The following PTPRD variants were observed in gnomAD, a reference collection of about 807,000 sequenced individuals.
PTPRD encodes protein tyrosine phosphatase receptor type D.
Under a neutral mutation model 214.5 loss-of-function variants are expected in PTPRD, and 34 were observed. The observed-to-expected ratio is 0.16, with a 90% CI of 0.12 to 0.21. The LOEUF (loss-of-function observed/expected upper bound fraction) is 0.21, where lower values mean the gene tolerates loss of function less well. PTPRD is among the 10% of genes least tolerant of loss of function. PTPRD has a pLI of 1.00. For missense variants in PTPRD, 2,545 were observed against 2,398.7 expected, an observed-to-expected ratio of 1.06 and a Z score of -1.27; for synonymous variants, 1,128 against 845.7, an observed-to-expected ratio of 1.33 and a Z score of -5.79.
At chr9:8,418,699 C>T (rs1459703215) in intron 35 of PTPRD, among the ~76,000 whole-genome samples, 1 of 151,862 alleles carries the variant, frequency 6.6e-6, no homozygotes, top group East Asian at 2.0e-4. Context: ...CTGAGGATAA[C>T]AGACTGATGC....
At chr9:10,454,706 T>C (rs2098891922) in intron 2 of PTPRD, among the ~76,000 whole-genome samples, 1 of 151,760 alleles carries the variant, frequency 6.6e-6, no homozygotes, top group Admixed American at 6.6e-5. Flanking sequence ...TAATCCAGGA[T>C]TTGCATTAAT....
At chr9:10,110,025 C>G (rs997234265) in intron 3 of PTPRD, among the ~76,000 whole-genome samples, 2 of 151,380 alleles carry the variant, frequency 1.3e-5, no homozygotes, top group Admixed American at 1.3e-4. Flanking sequence ...GTCAACATAT[C>G]TGATGCATTG....
At chr9:9,426,850 CT>C (rs2081153999) in intron 8 of PTPRD, among the ~76,000 whole-genome samples, 1 of 152,186 alleles carries the variant, frequency 6.6e-6, no homozygotes. Context: ...AGGGTCCTGA[CT>C]GTTAGAAGGA....
chr9:9,442,508 T>G (rs1467717888), intron 8 of PTPRD: 6 of 152,200 alleles, frequency 3.9e-5, no homozygotes, highest in Non-Finnish European at 7.3e-5. Flanking sequence ...AAACAGATAC[T>G]GTAATTTAGA....
chr9:8,511,250 T>C (rs1487483955), intron 21 of PTPRD, among the ~76,000 whole-genome samples: 1 of 152,052 alleles, frequency 6.6e-6, no homozygotes, highest in Non-Finnish European at 1.5e-5. Flanking sequence ...TTAATGTTTT[T>C]TGTACAGACA....
At chr9:9,778,261 G>T (rs1054041615) in intron 5 of PTPRD, among the ~76,000 whole-genome samples, 1 of 152,108 alleles carries the variant, frequency 6.6e-6, no homozygotes, top group South Asian at 2.1e-4. Flanking sequence ...TCCTGGGAGA[G>T]GGGTGAGTGC....
At chr9:9,626,153 C>G (rs951885241) in intron 7 of PTPRD, among the ~76,000 whole-genome samples, 17 of 152,160 alleles carry the variant, frequency 1.1e-4, no homozygotes. Flanking sequence ...AGAAAATATC[C>G]AGGAAGTTTT....
intron 14 of PTPRD, among the ~76,000 whole-genome samples, chr9:8,623,214 A>G (rs1453710961): frequency 6.6e-6 from 1 of 151,918 alleles, no homozygotes; most frequent in Non-Finnish European, 1.5e-5. Context: ...TGCCATGTGT[A>G]CAGTCTAGAG....
At chr9:8,976,702 C>A (rs2099269724) in intron 11 of PTPRD, among the ~76,000 whole-genome samples, 1 of 152,076 alleles carries the variant, frequency 6.6e-6, no homozygotes, top group African/African-American at 2.4e-5. Context: ...ATTTTCCTTA[C>A]ATCCTCTCTA....
chr9:8,467,456 A>C (rs998639059), intron 31 of PTPRD, among the ~76,000 whole-genome samples: 2 of 151,988 alleles, frequency 1.3e-5, no homozygotes, highest in South Asian at 2.1e-4. Context: ...ATTAGCTCCA[A>C]TTTACTCCTC....
At chr9:8,553,910 C>T (rs570326728) in intron 14 of PTPRD, among the ~76,000 whole-genome samples, 3 of 152,250 alleles carry the variant, frequency 2.0e-5, no homozygotes, top group East Asian at 1.9e-4. Flanking sequence ...ACAGATTAGC[C>T]GGGCGCGGTG....
chr9:10,337,343 C>T (rs983358270), intron 3 of PTPRD, among the ~76,000 whole-genome samples: 5 of 151,552 alleles, frequency 3.3e-5, no homozygotes, highest in Admixed American at 2.0e-4. Context: ...TGCTATTCAA[C>T]GTAGCACACT....
At chr9:9,439,517 C>T (rs1024077541) in intron 8 of PTPRD, among the ~76,000 whole-genome samples, 1 of 152,150 alleles carries the variant, frequency 6.6e-6, no homozygotes, top group Non-Finnish European at 1.5e-5. Context: ...GGAAACAGAT[C>T]ATTTTCAACA....
At chr9:8,680,619 T>C (rs2097532971) in intron 12 of PTPRD, among the ~76,000 whole-genome samples, 1 of 152,192 alleles carries the variant, frequency 6.6e-6, no homozygotes, top group African/African-American at 2.4e-5. Context: ...TATATGATAT[T>C]AAATATACAC....
At chr9:8,973,054 G>A (rs921218547) in intron 11 of PTPRD, among the ~76,000 whole-genome samples, 1 of 151,460 alleles carries the variant, frequency 6.6e-6, no homozygotes, top group Non-Finnish European at 1.5e-5. Flanking sequence ...TTATTGAGAA[G>A]TATGTGCATT....
intron 11 of PTPRD, among the ~76,000 whole-genome samples, chr9:8,911,415 T>TGTGTTGTG (rs1555510111): frequency 7.8e-6 from 1 of 127,732 alleles, no homozygotes; most frequent in African/African-American, 2.7e-5. Flanking sequence ...TGTGTGTGTG[T>TGTGTTGTG]TGTGTGTGTG....
intron 3 of PTPRD, among the ~76,000 whole-genome samples, chr9:10,237,320 A>C (rs1465474463): frequency 1.3e-5 from 2 of 151,916 alleles, no homozygotes. Flanking sequence ...TACCATTTTT[A>C]TTTTTAATGT....
At chr9:8,381,367 G>A (rs1354031529) in intron 37 of PTPRD, among the ~76,000 whole-genome samples, 1 of 152,150 alleles carries the variant, frequency 6.6e-6, no homozygotes, top group Admixed American at 6.5e-5. Flanking sequence ...ACAGGTTATA[G>A]TAACTATTCT....
chr9:9,643,623 A>G (rs888007598), intron 7 of PTPRD, among the ~76,000 whole-genome samples: 1 of 152,190 alleles, frequency 6.6e-6, no homozygotes, highest in Non-Finnish European at 1.5e-5. Context: ...CATATTATAG[A>G]AAATGGAAAA....
Sources: gnomAD v4.1 joint callset for allele counts (sites outside exome capture counted in the v4.1 genomes callset) on GRCh38, gnomAD v4.1.1 for gene constraint, MANE v1.5 for transcripts, NCBI Gene and HGNC (gene_info 2026-07-23, HGNC 2026-07-21) for gene names.